Variants in KATNAL2 observed in about 807,000 individuals in gnomAD.
KATNAL2 encodes katanin p60 ATPase-containing subunit A-like 2.
In KATNAL2, 52 loss-of-function variants were observed where a neutral mutation model predicts 76.3. The ratio of observed to expected loss-of-function variants is 0.68; its 90% CI spans 0.55 to 0.86. The LOEUF is 0.86. Ranked by LOEUF, KATNAL2 falls within the 40% of genes least tolerant of loss-of-function variation. The pLI is 0.00. For missense variants in KATNAL2, 660 were observed against 668.9 expected (o/e 0.99, Z 0.15); for synonymous variants, 243 against 244.2 (o/e 1.00, Z 0.05).
chr18:47,089,271 G>T (rs1040005177), intron 15 of KATNAL2, among the ~76,000 whole-genome samples: 2 of 152,084 alleles, frequency 1.3e-5, no homozygotes, highest in African/African-American at 4.8e-5. Flanking sequence ...CATTCGAAAG[G>T]TATTTCCTAT....
intron 3 of KATNAL2, among the ~76,000 whole-genome samples, chr18:47,036,151 A>G (rs765937688): frequency 7.9e-5 from 12 of 152,248 alleles, no homozygotes; most frequent in Non-Finnish European, 1.6e-4. Context: ...AGAATTTTTA[A>G]TACGAGGAAA....
Position 47,045,507 on chromosome 18 carries a change from G to A in KATNAL2, c.52-950G>A, listed in dbSNP as rs1259215677. ...CTGGCTAATTTTTGTAGTTTTTGTA[G>A]AGATGGGGTTTTCCCATGTTGGCCA... On this transcript the variant is annotated intron_variant, in intron 3 of 17. Transcript: ENST00000683218. Among the ~76,000 whole-genome samples the A allele has an allele frequency of 2.0e-5, 3 of 151,982 alleles. No homozygotes were observed. In the East Asian group the frequency reaches 5.8e-4, roughly 29 times the overall value.
chr18:46,938,917 T>C (rs1397443165), intron 1 of KATNAL2, among the ~76,000 whole-genome samples: 1 of 152,164 alleles, frequency 6.6e-6, no homozygotes, highest in Admixed American at 6.6e-5. Flanking sequence ...ACATGTATTA[T>C]GGGTATGATC....
intron 3 of KATNAL2, among the ~76,000 whole-genome samples, chr18:47,045,313 T>G (rs987199785): frequency 2.3e-5 from 3 of 127,864 alleles, no homozygotes; most frequent in Non-Finnish European, 4.7e-5. Flanking sequence ...TGTTTGTTTT[T>G]CTTTTCTTTT....
At chr18:47,073,954 C>T (rs894983853) in intron 13 of KATNAL2, among the ~76,000 whole-genome samples, 3 of 152,190 alleles carry the variant, frequency 2.0e-5, no homozygotes, top group Non-Finnish European at 2.9e-5. Flanking sequence ...CTCTTGGTCT[C>T]TCTTTGCCTT....
At chr18:47,086,813 C>G (rs997804507) in intron 15 of KATNAL2, among the ~76,000 whole-genome samples, 9 of 152,182 alleles carry the variant, frequency 5.9e-5, no homozygotes, top group African/African-American at 2.2e-4. Flanking sequence ...GGGGAAGGCA[C>G]ATGATGACTA....
rs574452331 is a variant in KATNAL2 at position 47,033,155 on chromosome 18, A to C, written c.52-13302A>C. 2.5e-6 allele frequency: 4 copies of C among 1,614,088 alleles called. No homozygotes were observed. The East Asian group carries it at 6.7e-5, about 27-fold the overall frequency. On this transcript the variant is annotated intron_variant, in intron 3 of 17. Coordinates refer to ENST00000683218, the MANE Select transcript of KATNAL2 (RefSeq NM_001387690.1). ...GGGTTGGCCCGCTTCTCAGGGAGCC[A>C]GCGAAGGATGCTGCTGCTGCTGTCT...
intron 11 of KATNAL2, among the ~76,000 whole-genome samples, chr18:47,067,320 A>G (rs544512538): frequency 8.5e-5 from 13 of 152,314 alleles, no homozygotes; most frequent in Admixed American, 7.2e-4. Flanking sequence ...ATTACATATT[A>G]GTTCAAGACA....
chr18:47,037,325 T>G (rs1310265544), intron 3 of KATNAL2, among the ~76,000 whole-genome samples: 1 of 152,194 alleles, frequency 6.6e-6, no homozygotes, highest in Non-Finnish European at 1.5e-5. Context: ...GAGGTATATT[T>G]GTGGCACAAT....
intron 15 of KATNAL2, among the ~76,000 whole-genome samples, chr18:47,093,911 G>A (rs553883787): frequency 3.3e-5 from 5 of 152,194 alleles, no homozygotes; most frequent in East Asian, 3.9e-4. Flanking sequence ...TTGTATTCTC[G>A]TTACTGCATT....
At chr18:47,037,442 A>G (rs527785677) in intron 3 of KATNAL2, among the ~76,000 whole-genome samples, 128 of 152,358 alleles carry the variant, frequency 8.4e-4, no homozygotes, top group Non-Finnish European at 1.6e-3. Context: ...CTTTGTACAC[A>G]GAAATTAATG....
At chr18:47,043,018 G>C (rs1212207512) in intron 3 of KATNAL2, among the ~76,000 whole-genome samples, 2 of 152,046 alleles carry the variant, frequency 1.3e-5, no homozygotes, top group African/African-American at 4.8e-5. Context: ...ACGAGGCCAG[G>C]AGATCGAGAC....
chr18:46,959,767 G>T (rs957346536), intron 3 of KATNAL2, among the ~76,000 whole-genome samples: 1 of 152,072 alleles, frequency 6.6e-6, no homozygotes, highest in Non-Finnish European at 1.5e-5. Context: ...TAGAGATGGA[G>T]TTTCACCATG....
In KATNAL2 at chr18:46,917,642, G is replaced by T; in HGVS notation, c.-794G>T. 3.7e-6 allele frequency: 3 copies of T among 800,036 alleles called. No individual in the cohort carries two copies. The highest frequency in any genetic ancestry group is 4.6e-6 in the Non-Finnish European group (3 of 657,600). The allele number at this position is 800,036 out of a possible 1,614,324, so 49.6% of individuals were successfully genotyped here. A position where few individuals can be genotyped will look rare whatever the true frequency, so the allele number is the denominator to read the frequency against. Reference sequence around the variant, plus strand: ...AGCGCCCGCCCGCGCCTGCCCCGGCGTGCTGCCCCGCGGCTTGGCCCCGCT... The same window carrying T: ...AGCGCCCGCCCGCGCCTGCCCCGGCTTGCTGCCCCGCGGCTTGGCCCCGCT... On this transcript the variant is annotated 5_prime_UTR_variant, in exon 1 of 18. Coordinates refer to ENST00000683218, the MANE Select transcript of KATNAL2 (RefSeq NM_001387690.1).
intron 15 of KATNAL2, among the ~76,000 whole-genome samples, chr18:47,080,698 G>T (rs978268346): frequency 2.6e-4 from 39 of 152,278 alleles, no homozygotes; most frequent in African/African-American, 9.4e-4. Context: ...CCACAACCTC[G>T]CTAACGCTTG....
At chr18:46,960,627 A>G (rs901601336) in intron 3 of KATNAL2, among the ~76,000 whole-genome samples, 9 of 152,346 alleles carry the variant, frequency 5.9e-5, no homozygotes, top group Middle Eastern at 3.4e-3. Context: ...AGCTGCTCTC[A>G]TAACATTTAG....
intron 15 of KATNAL2, among the ~76,000 whole-genome samples, chr18:47,090,335 G>A (rs1444769258): frequency 6.6e-6 from 1 of 152,120 alleles, no homozygotes; most frequent in African/African-American, 2.4e-5. Context: ...TCAAACTCCT[G>A]ACCTCAGGTG....
At chr18:47,100,680 TAGGGGC>T (rs2063420094) in intron 17 of KATNAL2, among the ~76,000 whole-genome samples, 180 bp from the exon 18 acceptor site, 1 of 152,212 alleles carries the variant, frequency 6.6e-6, no homozygotes, top group African/African-American at 2.4e-5. Context: ...GTCTGGGCCT[TAGGGGC>T]TAACTCAGTT....
chr18:47,048,867 C>G (rs1360503771), intron 4 of KATNAL2, among the ~76,000 whole-genome samples: 1 of 125,204 alleles, frequency 8.0e-6, no homozygotes, highest in Non-Finnish European at 1.6e-5. Flanking sequence ...CGGAGTCTCA[C>G]TCTCTCGCCC....
Sources: allele counts gnomAD v4.1 joint callset (sites outside exome capture counted in the v4.1 genomes callset), GRCh38; gene constraint gnomAD v4.1.1; transcripts MANE v1.5; gene names NCBI Gene and HGNC (gene_info 2026-07-23, HGNC 2026-07-21).